The following P2RX3 variants were observed in gnomAD, a reference collection of about 807,000 sequenced individuals.
P2RX3 encodes the protein purinergic receptor P2X 3, also known as P2X purinoceptor 3.
A neutral mutation model predicts 51.5 loss-of-function variants in P2RX3; 41 were observed. The ratio of observed to expected loss-of-function variants is 0.80; its 90% CI spans 0.62 to 1.03. P2RX3 has a LOEUF of 1.03. P2RX3 is among the 50% of genes least tolerant of loss of function. P2RX3 has a pLI of 0.00. For synonymous variants in P2RX3, 185 were observed against 191.6 expected, an observed-to-expected ratio of 0.97 and a Z score of 0.29; for missense variants, 459 against 522.1, an observed-to-expected ratio of 0.88 and a Z score of 1.18.
upstream of P2RX3, among the ~76,000 whole-genome samples, chr11:57,336,302 A>C (rs1417562905): frequency 1.3e-5 from 2 of 152,106 alleles, no homozygotes; most frequent in Non-Finnish European, 2.9e-5. Context: ...TCGTGGGTGC[A>C]CTGCTTTCTG....
intron 1 of P2RX3, among the ~76,000 whole-genome samples, chr11:57,342,732 T>C (rs117055341): frequency 0.011 from 1,711 of 152,140 alleles, 14 homozygotes; most frequent in Non-Finnish European, 0.018. Context: ...CAGTAATAGA[T>C]GGCAACTGCG....
intron 11 of P2RX3, 110 bp from the exon 12 acceptor site, chr11:57,369,773 TC>T: frequency 1.3e-6 from 1 of 762,906 alleles, no homozygotes; most frequent in East Asian, 2.7e-5. Flanking sequence ...ATGTCCTGGC[TC>T]CCCTCATGAC....
At chr11:57,361,086 G>C (rs999590410) in intron 8 of P2RX3, among the ~76,000 whole-genome samples, 1 of 152,190 alleles carries the variant, frequency 6.6e-6, no homozygotes, top group African/African-American at 2.4e-5. Context: ...TTGGCTGCCA[G>C]CTGGGATGTG....
chr11:57,367,374 A>C (rs1856812834), intron 8 of P2RX3, among the ~76,000 whole-genome samples: 1 of 152,220 alleles, frequency 6.6e-6, no homozygotes, highest in Admixed American at 6.5e-5. Flanking sequence ...CTTGGAGTCT[A>C]GCAGTGGCTC....
At chr11:57,347,261 G>A in intron 3 of P2RX3, 74 bp downstream of exon 3, 1 of 1,545,574 alleles carries the variant, frequency 6.5e-7, no homozygotes. Flanking sequence ...CAGTGGCAGG[G>A]AGGTATGAGC....
intron 8 of P2RX3, among the ~76,000 whole-genome samples, chr11:57,362,521 T>C (rs1264528861): frequency 1.3e-5 from 2 of 152,134 alleles, no homozygotes; most frequent in Non-Finnish European, 2.9e-5. Context: ...CCTGTTCTGC[T>C]CCCAGCCAGT....
chr11:57,336,420 G>A (rs1038270100), upstream of P2RX3, among the ~76,000 whole-genome samples: 1 of 152,158 alleles, frequency 6.6e-6, no homozygotes, highest in Non-Finnish European at 1.5e-5. Context: ...TTCAAGTCCT[G>A]GTGTCAGATT....
At chr11:57,353,186 G>C (rs116190926) in intron 8 of P2RX3, among the ~76,000 whole-genome samples, 31 of 152,320 alleles carry the variant, frequency 2.0e-4, no homozygotes, top group Admixed American at 1.7e-3. Flanking sequence ...GGTTCAGTGC[G>C]GGTCACAGTG....
At chr11:57,359,236 C>T (rs1303307732) in intron 8 of P2RX3, among the ~76,000 whole-genome samples, 2 of 152,146 alleles carry the variant, frequency 1.3e-5, no homozygotes, top group African/African-American at 4.8e-5. Flanking sequence ...AGGGAAGCAG[C>T]GAGCAGATAC....
rs1446301067 is a variant in P2RX3, at chr11:57,371,837, C to T, written c.*1840C>T. Among the ~76,000 whole-genome samples the T allele has an allele frequency of 6.6e-6, 1 of 152,204 alleles. No homozygotes were observed. Among genetic ancestry groups the T allele is most frequent in the African/African-American group, 2.4e-5 (1 of 41,450 alleles). On this transcript the variant is annotated 3_prime_UTR_variant, in exon 12 of 12. Coordinates refer to ENST00000263314, the MANE Select transcript of P2RX3 (RefSeq NM_002559.5). Reference sequence around the variant, plus strand: ...AATTCAGCTCTTGGGAGGCTGGGGTCACAGGGATTCTCTCTAATGGGGAGA... The same window carrying T: ...AATTCAGCTCTTGGGAGGCTGGGGTTACAGGGATTCTCTCTAATGGGGAGA...
rs1231791408 is a variant in P2RX3, at chr11:57,349,968, C to A, written c.705+70C>A. 5 of 1,590,894 alleles carry A rather than the reference C, an allele frequency of 3.1e-6. No individual in the cohort carries two copies. In the East Asian group the frequency reaches 9.1e-5, roughly 29 times the overall value. On this transcript the variant is annotated intron_variant, in intron 7 of 11. Transcript: ENST00000263314. Reference sequence around the variant, plus strand: ...CAGCCCTTTCCCAGATTTCAGGGCCCTTTGGCCGGCACTGGCCAGGAGCCG... The same window carrying A: ...CAGCCCTTTCCCAGATTTCAGGGCCATTTGGCCGGCACTGGCCAGGAGCCG...
At chr11:57,342,348 T>TG (rs1206234651) in intron 1 of P2RX3, among the ~76,000 whole-genome samples, 6 of 151,762 alleles carry the variant, frequency 4.0e-5, no homozygotes, top group African/African-American at 1.5e-4. Context: ...TTAGTAGAGA[T>TG]GGGGTTTCAC....
In P2RX3 at chr11:57,368,831, C is replaced by T. The variant is rs575378090; in HGVS notation, c.1002+394C>T. Among the ~76,000 whole-genome samples, 306 of 152,272 alleles carry T rather than the reference C, an allele frequency of 2.0e-3. 1 individual carries two copies. Among genetic ancestry groups the T allele is most frequent in the African/African-American group, 6.9e-3 (285 of 41,560 alleles). On this transcript the variant is annotated intron_variant, in intron 10 of 11. Coordinates refer to ENST00000263314, the MANE Select transcript of P2RX3 (RefSeq NM_002559.5). ...CAGGGACTTCCACCCTTCCACCCCA[C>T]GCAGTCCTCTCTCTGTGCAGCTGTG...
intron 8 of P2RX3, among the ~76,000 whole-genome samples, chr11:57,367,069 C>T (rs1856808893): frequency 6.6e-6 from 1 of 151,222 alleles, no homozygotes; most frequent in Non-Finnish European, 1.5e-5. Flanking sequence ...CTGAAAGCAC[C>T]TTTCAAAACT....
intron 8 of P2RX3, among the ~76,000 whole-genome samples, chr11:57,351,185 G>T (rs577521549): frequency 6.6e-6 from 1 of 152,298 alleles, no homozygotes; most frequent in African/African-American, 2.4e-5. Context: ...AGGGTTCTGC[G>T]ATTCTTTGCC....
chr11:57,344,722 A>C (rs996509357), intron 1 of P2RX3, among the ~76,000 whole-genome samples: 3 of 152,216 alleles, frequency 2.0e-5, no homozygotes, highest in Non-Finnish European at 2.9e-5. Flanking sequence ...TTTATTTATC[A>C]AAAATTTAAA....
chr11:57,336,648 G>C (rs1029267654), upstream of P2RX3, among the ~76,000 whole-genome samples: 1 of 152,160 alleles, frequency 6.6e-6, no homozygotes, highest in Non-Finnish European at 1.5e-5. Flanking sequence ...AACAAGGCTA[G>C]GTAGGACCCA....
chr11:57,348,044 C>CT (rs1406813184), intron 4 of P2RX3, 126 bp from the exon 5 acceptor site: 16 of 856,194 alleles, frequency 1.9e-5, no homozygotes, highest in Middle Eastern at 2.8e-4. Context: ...AGTCAGCTCC[C>CT]TTTTCCCTGC....
intron 8 of P2RX3, among the ~76,000 whole-genome samples, chr11:57,355,884 G>T (rs1377461347): frequency 6.6e-6 from 1 of 152,138 alleles, no homozygotes; most frequent in African/African-American, 2.4e-5. Flanking sequence ...CTATCCCGTA[G>T]CCAGGTGTGG....
Sources: allele counts gnomAD v4.1 joint callset (sites outside exome capture counted in the v4.1 genomes callset), GRCh38; gene constraint gnomAD v4.1.1; transcripts MANE v1.5; gene names NCBI Gene and HGNC (gene_info 2026-07-23, HGNC 2026-07-21).